The following SLC24A3 variants were observed in gnomAD, a reference collection of about 807,000 sequenced individuals.
SLC24A3 encodes solute carrier family 24 member 3.
SLC24A3 carries 28 observed loss-of-function variants against 75.8 expected under a neutral mutation model. The ratio of observed to expected loss-of-function variants is 0.37; its 90% confidence interval spans 0.27 to 0.51. SLC24A3 has a LOEUF of 0.51. Ranked by LOEUF, SLC24A3 falls within the 20% of genes least tolerant of loss-of-function variation. SLC24A3 has a pLI of 0.94. For synonymous variants in SLC24A3, 372 were observed against 334.1 expected (o/e 1.11, Z -1.24); for missense variants, 663 against 847.8 (o/e 0.78, Z 2.71).
chr20:19,486,317 A>G (rs1988126678), intron 2 of SLC24A3, among the ~76,000 whole-genome samples: 1 of 152,214 alleles, frequency 6.6e-6, no homozygotes, highest in Non-Finnish European at 1.5e-5. Context: ...TAACTACCAG[A>G]GAATTAGGGG....
At chr20:19,564,164 G>C (rs11905994) in intron 3 of SLC24A3, among the ~76,000 whole-genome samples, 16,026 of 152,196 alleles carry the variant, frequency 0.11, 1,105 homozygotes, top group African/African-American at 0.18. Context: ...ACAGGGTATG[G>C]CACTGGGGTT....
rs1983929618 is a variant in SLC24A3 at position 19,291,046 on chromosome 20, G to A, written c.271+9959G>A. On this transcript the variant is annotated intron_variant, in intron 2 of 16. Transcript: ENST00000328041. ...GGAATGTTCCTGCCTTGTCCTATTTGTGGGTCTAATCTTGCCATCGGGTCC... is the reference window on the plus strand; with the variant it reads ...GGAATGTTCCTGCCTTGTCCTATTTATGGGTCTAATCTTGCCATCGGGTCC... 2.0e-5 allele frequency among the ~76,000 whole-genome samples: 3 copies of A among 152,206 alleles called. No homozygotes were observed. In the South Asian group the frequency reaches 6.2e-4, roughly 31 times the overall value.
chr20:19,279,444 A>C (rs1005240880), intron 1 of SLC24A3, among the ~76,000 whole-genome samples: 1 of 152,142 alleles, frequency 6.6e-6, no homozygotes, highest in Non-Finnish European at 1.5e-5. Context: ...CCCACCTGTC[A>C]TGTTTCTGCC....
At chr20:19,603,942 G>A (rs1055768253) in intron 6 of SLC24A3, among the ~76,000 whole-genome samples, 49 of 152,132 alleles carry the variant, frequency 3.2e-4, no homozygotes, top group African/African-American at 1.1e-3. Flanking sequence ...TAAGGGCTTC[G>A]AAAGGAAGCT....
intron 2 of SLC24A3, among the ~76,000 whole-genome samples, chr20:19,315,821 A>G (rs1225826413): frequency 6.6e-6 from 1 of 152,208 alleles, no homozygotes; most frequent in African/African-American, 2.4e-5. Context: ...AAATGGGATT[A>G]TGTGCCAGTA....
intron 7 of SLC24A3, among the ~76,000 whole-genome samples, chr20:19,658,898 TG>T (rs1193170805): frequency 1.3e-5 from 2 of 152,248 alleles, no homozygotes; most frequent in African/African-American, 4.8e-5. Flanking sequence ...CTCCCAGTCC[TG>T]TCTTTTCTCC....
intron 6 of SLC24A3, among the ~76,000 whole-genome samples, chr20:19,613,307 C>T (rs371737630): frequency 3.9e-5 from 6 of 152,210 alleles, no homozygotes; most frequent in African/African-American, 1.4e-4. Flanking sequence ...TCCTCAGTAT[C>T]TGAACAGTGC....
At chr20:19,555,211 T>C (rs1394415809) in intron 3 of SLC24A3, among the ~76,000 whole-genome samples, 2 of 152,058 alleles carry the variant, frequency 1.3e-5, no homozygotes, top group African/African-American at 2.4e-5. Flanking sequence ...AGAACTTATG[T>C]ACTTGCTACT....
At chr20:19,299,680 A>G (rs894372511) in intron 2 of SLC24A3, among the ~76,000 whole-genome samples, 1 of 152,206 alleles carries the variant, frequency 6.6e-6, no homozygotes, top group African/African-American at 2.4e-5. Context: ...AGGAGACTCC[A>G]TTTGAGTCCT....
intron 2 of SLC24A3, among the ~76,000 whole-genome samples, chr20:19,357,065 T>A (rs956355710): frequency 2.6e-5 from 4 of 152,166 alleles, no homozygotes; most frequent in African/African-American, 9.7e-5. Context: ...ATGAAGAGAT[T>A]ATCTTGGATT....
At chr20:19,532,058 G>T (rs1247050175) in intron 3 of SLC24A3, among the ~76,000 whole-genome samples, 1 of 152,210 alleles carries the variant, frequency 6.6e-6, no homozygotes, top group Admixed American at 6.5e-5. Context: ...GTGTTCCAGT[G>T]GTGGGGAGGG....
intron 6 of SLC24A3, among the ~76,000 whole-genome samples, chr20:19,643,234 G>A (rs2032096200): frequency 6.6e-6 from 1 of 152,166 alleles, no homozygotes; most frequent in Non-Finnish European, 1.5e-5. Context: ...TTTATTTGGG[G>A]GGTTGGGAGG....
chr20:19,391,990 C>T (rs558912156), intron 2 of SLC24A3, among the ~76,000 whole-genome samples: 1 of 152,280 alleles, frequency 6.6e-6, no homozygotes, highest in African/African-American at 2.4e-5. Flanking sequence ...GATGACCCTT[C>T]GCTTATTGTC....
intron 2 of SLC24A3, among the ~76,000 whole-genome samples, chr20:19,443,323 T>C (rs6046100): frequency 0.52 from 79,469 of 152,022 alleles, 23,093 homozygotes; most frequent in East Asian, 0.93. Context: ...ACATGGAATG[T>C]CTCTCCTTTT....
chr20:19,495,217 G>GC (rs1215657529), intron 2 of SLC24A3, among the ~76,000 whole-genome samples: 2 of 152,202 alleles, frequency 1.3e-5, no homozygotes, highest in African/African-American at 4.8e-5. Flanking sequence ...GGAGCTGGAT[G>GC]CATCAGCCCC....
At chr20:19,587,948 ATT>A (rs1333093392) in intron 6 of SLC24A3, among the ~76,000 whole-genome samples, 5 of 152,198 alleles carry the variant, frequency 3.3e-5, no homozygotes. Context: ...CACTGTGATA[ATT>A]TGACCAACTC....
At chr20:19,215,469 G>T (rs143813795) in intron 1 of SLC24A3, among the ~76,000 whole-genome samples, 173 of 152,250 alleles carry the variant, frequency 1.1e-3, no homozygotes, top group African/African-American at 4.0e-3. Flanking sequence ...CCTTCATAAT[G>T]ATCAAAGGTA....
chr20:19,706,544 T>C (rs532789971), intron 15 of SLC24A3, among the ~76,000 whole-genome samples: 2 of 151,990 alleles, frequency 1.3e-5, no homozygotes, highest in East Asian at 1.9e-4. Context: ...TACCAAGATA[T>C]GGGAAAACTT....
intron 1 of SLC24A3, among the ~76,000 whole-genome samples, chr20:19,234,823 G>T (rs1982117075): frequency 6.6e-6 from 1 of 152,150 alleles, no homozygotes. Flanking sequence ...TTATTTTGAT[G>T]GTTGGCCCTG....
Sources: allele counts gnomAD v4.1 joint callset (sites outside exome capture counted in the v4.1 genomes callset), GRCh38; gene constraint gnomAD v4.1.1; transcripts MANE v1.5; gene names NCBI Gene and HGNC (gene_info 2026-07-23, HGNC 2026-07-21).